CNIH3: variants seen among roughly 807,000 people sequenced by gnomAD.
CNIH3 encodes cornichon family AMPA receptor auxiliary protein 3.
In CNIH3, 14 loss-of-function variants were observed where a neutral mutation model predicts 24.1. The observed-to-expected ratio is 0.58, with a 90% CI of 0.38 to 0.91. The LOEUF is 0.91. Among genes scored for constraint, CNIH3 ranks in the 40% least tolerant of loss-of-function variants. The probability of loss-of-function intolerance (pLI) is 0.00; values close to 1 mark genes in which losing one functional copy is unlikely to be tolerated. For synonymous variants in CNIH3, 68 were observed against 73.8 expected, an observed-to-expected ratio of 0.92 and a Z score of 0.40; for missense variants, 178 against 196.8, an observed-to-expected ratio of 0.90 and a Z score of 0.57.
chr1:224,686,085 C>T (rs1474160180), intron 3 of CNIH3, among the ~76,000 whole-genome samples: 1 of 151,626 alleles, frequency 6.6e-6, no homozygotes, highest in Non-Finnish European at 1.5e-5. Flanking sequence ...TATACATGTG[C>T]CATGTTGGTG....
At chr1:224,669,824 G>A (rs1685775186) in intron 1 of CNIH3, among the ~76,000 whole-genome samples, 1 of 152,118 alleles carries the variant, frequency 6.6e-6, no homozygotes, top group Admixed American at 6.5e-5. Context: ...AGGCTTGGAG[G>A]GGGTTAAGCA....
At chr1:224,444,686 C>T (rs1438608997) in intron 1 of CNIH3, among the ~76,000 whole-genome samples, 2 of 151,788 alleles carry the variant, frequency 1.3e-5, no homozygotes, top group Non-Finnish European at 2.9e-5. Context: ...TCTCTGTCAC[C>T]CAGGCTGGAG....
intron 2 of CNIH3, among the ~76,000 whole-genome samples, chr1:224,546,477 G>T (rs712090): frequency 0.022 from 3,354 of 152,270 alleles, 133 homozygotes; most frequent in African/African-American, 0.076. Context: ...CAACCTGGAG[G>T]GGGTAATGAA....
downstream of CNIH3, among the ~76,000 whole-genome samples, chr1:224,539,754 T>C (rs1194072558): frequency 1.3e-5 from 2 of 152,242 alleles, no homozygotes; most frequent in Admixed American, 6.5e-5. Flanking sequence ...TACCTTTCCC[T>C]GTGCCACCTA....
intron 3 of CNIH3, among the ~76,000 whole-genome samples, chr1:224,692,203 G>T (rs1306413392): frequency 6.6e-6 from 1 of 152,184 alleles, no homozygotes; most frequent in African/African-American, 2.4e-5. Context: ...TCAGGAGGGA[G>T]GGTGAGGTGG....
chr1:224,657,868 A>G (rs963833877), intron 1 of CNIH3, among the ~76,000 whole-genome samples: 3 of 152,228 alleles, frequency 2.0e-5, no homozygotes, highest in South Asian at 2.1e-4. Context: ...TCAGGGTTGA[A>G]GACACAATTG....
chr1:224,643,006 A>G (rs1278139222), intron 1 of CNIH3, among the ~76,000 whole-genome samples: 1 of 152,062 alleles, frequency 6.6e-6, no homozygotes, highest in Non-Finnish European at 1.5e-5. Flanking sequence ...CGAGATTCCT[A>G]AAGGGTCCTC....
In CNIH3 at chr1:224,458,156, C is replaced by T. The variant is rs1036242949; in HGVS notation, n.203+23294C>T. On this transcript the variant is annotated intron_variant and non_coding_transcript_variant, in intron 1 of 5. Transcript: ENST00000471578. This position sits in a 1 kb window ranked among gnomAD's most constrained non-coding sequence, Gnocchi z 4.3. ...TTTGAATGTATTAAGGAGTGACGTA[C>T]GGCTGGATTCACTCTGATCTCATTC... is the stretch of plus-strand genomic sequence containing the variant. 5.9e-5 allele frequency among the ~76,000 whole-genome samples: 9 copies of T among 152,158 alleles called. No homozygotes were observed. Among genetic ancestry groups the T allele is most frequent in the African/African-American group, 1.7e-4 (7 of 41,432 alleles).
intron 4 of CNIH3, among the ~76,000 whole-genome samples, chr1:224,570,992 A>G (rs1680795051): frequency 6.6e-6 from 1 of 152,114 alleles, no homozygotes; most frequent in South Asian, 2.1e-4. Context: ...TTTGTCATAA[A>G]TGTACATATA....
At chr1:224,571,406 G>T (rs991904321) in intron 4 of CNIH3, among the ~76,000 whole-genome samples, 2 of 152,150 alleles carry the variant, frequency 1.3e-5, no homozygotes, top group Non-Finnish European at 2.9e-5. Context: ...ATTACTTAAA[G>T]ATCACAGAGA....
intron 3 of CNIH3, among the ~76,000 whole-genome samples, chr1:224,598,044 A>C (rs1016496283): frequency 3.3e-5 from 5 of 152,216 alleles, no homozygotes; most frequent in African/African-American, 9.6e-5. Flanking sequence ...TTGTGAGAGC[A>C]GAAGGAAAAA....
intron 1 of CNIH3, among the ~76,000 whole-genome samples, chr1:224,490,574 T>C (rs575371654): frequency 1.3e-5 from 2 of 152,344 alleles, no homozygotes; most frequent in African/African-American, 4.8e-5. Context: ...CTATAACTCA[T>C]TTGAAATTTT....
At chr1:224,608,924 C>A (rs1682556052) in intron 3 of CNIH3, among the ~76,000 whole-genome samples, 1 of 152,214 alleles carries the variant, frequency 6.6e-6, no homozygotes, top group Non-Finnish European at 1.5e-5. Context: ...CCTCTTAGTG[C>A]ACATGTTTGA....
At position 224,553,458 on chromosome 1, in the gene CNIH3, A is replaced by C. The variant is rs770966764; in HGVS notation, n.450+6519A>C. On this transcript the variant is annotated intron_variant and non_coding_transcript_variant, in intron 3 of 5. Transcript: ENST00000471578. ...CCTCAATGCTCATTCTCACAACCCA[A>C]TCTCACTGGGAGACCTCTGGTGCGA... Among the ~76,000 whole-genome samples the C allele has an allele frequency of 2.6e-5, 4 of 152,036 alleles. No individual in the cohort carries two copies. The East Asian group carries it at 7.7e-4, about 29-fold the overall frequency.
intron 2 of CNIH3, among the ~76,000 whole-genome samples, chr1:224,532,599 A>C (rs1469111004): frequency 6.6e-6 from 1 of 152,236 alleles, no homozygotes; most frequent in Admixed American, 6.5e-5. Context: ...TAGGACAACC[A>C]ACAGGTATTT....
At chr1:224,644,503 C>G (rs1684508234) in intron 1 of CNIH3, among the ~76,000 whole-genome samples, 1 of 152,118 alleles carries the variant, frequency 6.6e-6, no homozygotes, top group Non-Finnish European at 1.5e-5. Flanking sequence ...ATGTCTGGCT[C>G]TAATATTATG....
chr1:224,692,739 A>G (rs1005222995), intron 3 of CNIH3, among the ~76,000 whole-genome samples: 5 of 152,210 alleles, frequency 3.3e-5, no homozygotes, highest in Non-Finnish European at 5.9e-5. Context: ...AGAGTCTCCT[A>G]TTTCTTAAGT....
At chr1:224,613,209 C>T (rs1319759361), upstream of CNIH3, among the ~76,000 whole-genome samples, 2 of 152,004 alleles carry the variant, frequency 1.3e-5, no homozygotes, top group Non-Finnish European at 2.9e-5. Context: ...TTATGTTGCC[C>T]AAGATGATCG....
At chr1:224,506,827 C>T (rs1033221514) in intron 1 of CNIH3, among the ~76,000 whole-genome samples, 3 of 152,012 alleles carry the variant, frequency 2.0e-5, no homozygotes, top group African/African-American at 4.8e-5. Flanking sequence ...AGTATCTACA[C>T]GTTGATGAGA....
Sources: gnomAD v4.1 joint callset for allele counts (sites outside exome capture counted in the v4.1 genomes callset) on GRCh38, gnomAD v4.1.1 for gene constraint, Gnocchi (gnomAD v3.1) non-coding constraint, MANE v1.5 for transcripts, NCBI Gene and HGNC (gene_info 2026-07-23, HGNC 2026-07-21) for gene names.